PTPRO: variants seen among roughly 807,000 people sequenced by gnomAD.
The protein encoded by PTPRO is protein tyrosine phosphatase receptor type O.
Under a neutral mutation model 145.2 loss-of-function variants are expected in PTPRO, and 62 were observed. That is an observed-to-expected ratio of 0.43 (90% CI 0.35 to 0.53). The LOEUF (loss-of-function observed/expected upper bound fraction) is 0.53. Ranked by LOEUF, PTPRO falls within the 20% of genes least tolerant of loss-of-function variation. PTPRO has a pLI of 0.01. For synonymous variants in PTPRO, 565 were observed against 514.7 expected (o/e 1.10, Z -1.32); for missense variants, 1,345 against 1,482.7 (o/e 0.91, Z 1.53).
intron 12 of PTPRO, among the ~76,000 whole-genome samples, chr12:15,531,999 G>A (rs7134618): frequency 0.69 from 105,465 of 151,832 alleles, 36,966 homozygotes; most frequent in Middle Eastern, 0.75. Flanking sequence ...AGTATTGTTG[G>A]CAGTGATGTA....
rs150213421 is a variant in PTPRO at position 15,451,967 on chromosome 12, C to T, written c.76-32007C>T. ...AAACAAGAACAAACCAAACTCAAACCTAGCAGAAGAAAGGAAATAACTAAG... is the reference window on the plus strand; with the variant it reads ...AAACAAGAACAAACCAAACTCAAACTTAGCAGAAGAAAGGAAATAACTAAG... On this transcript the variant is annotated intron_variant, in intron 1 of 26. Coordinates refer to ENST00000281171, the MANE Select transcript of PTPRO (RefSeq NM_030667.3). Among the ~76,000 whole-genome samples, 942 of 152,030 alleles carry T rather than the reference C, an allele frequency of 6.2e-3. 12 individuals carry two copies. Among genetic ancestry groups the T allele is most frequent in the African/African-American group, 0.021 (872 of 41,480 alleles).
intron 1 of PTPRO, among the ~76,000 whole-genome samples, chr12:15,424,607 G>A (rs1940233066): frequency 6.6e-6 from 1 of 152,022 alleles, no homozygotes. Flanking sequence ...CACAGCTGAT[G>A]TATACACAAA....
At chr12:15,523,292 A>T (rs1251995486) in intron 10 of PTPRO, among the ~76,000 whole-genome samples, 1 of 152,260 alleles carries the variant, frequency 6.6e-6, no homozygotes, top group Non-Finnish European at 1.5e-5. Context: ...GCTGTATCTC[A>T]GAATGGAACA....
chr12:15,499,559 G>A lies in PTPRO; in HGVS notation c.626G>A (p.Ser209Asn), dbSNP rs1295378844. ...AATAAAAGTACCCTTGTTGAGTACA[G>A]TGGTGTCAGTCACGAACCCAAACAG... ...TFNKSTLVEY[S>N]GVSHEPKQHR... The change falls in exon 4 of 27, where the codon AGT becomes AAT. Residue 209 changes from serine to asparagine, a missense_variant. Physicochemically the swap from Ser to Asn is conservative, Grantham distance 46. Transcript: ENST00000281171. 3 of 1,613,874 alleles carry A rather than the reference G, an allele frequency of 1.9e-6. No individual in the cohort carries two copies. Among genetic ancestry groups the A allele is most frequent in the Non-Finnish European group, 2.5e-6 (3 of 1,179,814 alleles).
intron 7 of PTPRO, among the ~76,000 whole-genome samples, chr12:15,513,824 G>A (rs1942517658): frequency 6.6e-6 from 1 of 151,928 alleles, no homozygotes; most frequent in Non-Finnish European, 1.5e-5. Context: ...AACTCTATGA[G>A]GTATATAATT....
rs570555279 is a variant in PTPRO, at chr12:15,353,611, G to A, written c.75+30810G>A. 4.0e-4 allele frequency among the ~76,000 whole-genome samples: 61 copies of A among 152,306 alleles called. No individual in the cohort carries two copies. In the East Asian group the frequency reaches 0.011, roughly 27 times the overall value. On this transcript the variant is annotated intron_variant, in intron 1 of 26. Coordinates refer to ENST00000281171, the MANE Select transcript of PTPRO (RefSeq NM_030667.3). ...GCAGAAGCATTGTTGTGGTGGAGAA[G>A]CATTGTCATGATGAAGCTTTCCTGG...
At chr12:15,368,458 T>C (rs751566367) in intron 1 of PTPRO, among the ~76,000 whole-genome samples, 5 of 152,210 alleles carry the variant, frequency 3.3e-5, no homozygotes, top group Admixed American at 6.5e-5. Context: ...CATAATTGAT[T>C]GATTGATTGA....
At chr12:15,396,369 T>C (rs900726383) in intron 1 of PTPRO, among the ~76,000 whole-genome samples, 1 of 152,160 alleles carries the variant, frequency 6.6e-6, no homozygotes, top group African/African-American at 2.4e-5. Context: ...AAAATAATTA[T>C]TAGGCATGTA....
intron 12 of PTPRO, among the ~76,000 whole-genome samples, chr12:15,532,047 A>G (rs564384538): frequency 6.6e-6 from 1 of 152,296 alleles, no homozygotes; most frequent in East Asian, 1.9e-4. Context: ...AAAACAAAAA[A>G]TACGATCTTT....
At chr12:15,440,771 A>G (rs955033537) in intron 1 of PTPRO, among the ~76,000 whole-genome samples, 2 of 152,256 alleles carry the variant, frequency 1.3e-5, no homozygotes, top group African/African-American at 4.8e-5. Context: ...AACAGTAAAA[A>G]AAAGACAAAG....
intron 15 of PTPRO, among the ~76,000 whole-genome samples, chr12:15,553,029 AC>A (rs1409971915): frequency 2.0e-5 from 3 of 151,910 alleles, no homozygotes; most frequent in Non-Finnish European, 4.4e-5. Context: ...CGAACTCCTG[AC>A]CTTAAGTAAT....
At chr12:15,492,438 A>G (rs959606856) in intron 2 of PTPRO, among the ~76,000 whole-genome samples, 3 of 152,106 alleles carry the variant, frequency 2.0e-5, no homozygotes, top group South Asian at 2.1e-4. Flanking sequence ...GAAATAGTGC[A>G]GTGCTGTGCC....
At chr12:15,513,262 G>C (rs1446707017) in intron 7 of PTPRO, among the ~76,000 whole-genome samples, 1 of 112,614 alleles carries the variant, frequency 8.9e-6, no homozygotes, top group Non-Finnish European at 2.0e-5. Flanking sequence ...GAGAGGGAGG[G>C]GGAAGGAAGG....
intron 2 of PTPRO, among the ~76,000 whole-genome samples, chr12:15,488,378 T>C (rs1261968033): frequency 6.6e-6 from 1 of 152,138 alleles, no homozygotes; most frequent in Non-Finnish European, 1.5e-5. Context: ...TGGCATTTGG[T>C]GACATTTGGG....
intron 1 of PTPRO, among the ~76,000 whole-genome samples, chr12:15,389,104 A>ATTTTT (rs148751888): frequency 2.9e-5 from 4 of 137,744 alleles, no homozygotes; most frequent in African/African-American, 1.1e-4. Flanking sequence ...TAAATAAAGA[A>ATTTTT]TTTTTTTTTT....
chr12:15,551,809 G>A (rs376576351), intron 15 of PTPRO, 138 bp downstream of exon 15: 24 of 910,406 alleles, frequency 2.6e-5, no homozygotes, highest in East Asian at 1.9e-4. Context: ...TATTGTGTGT[G>A]TTTTCTAAAT....
At chr12:15,415,622 T>C (rs1204773800) in intron 1 of PTPRO, among the ~76,000 whole-genome samples, 1 of 151,694 alleles carries the variant, frequency 6.6e-6, no homozygotes. Context: ...CCCGACCTTG[T>C]GATCCGCCCA....
Position 15,546,636 on chromosome 12 carries a change from G to A in PTPRO, c.2232G>A (p.Val744=), listed in dbSNP as rs1420185723. The A allele has an allele frequency of 6.2e-7, 1 of 1,613,788 alleles. No individual in the cohort carries two copies. The change falls in exon 13 of 27, where the codon GTG becomes GTA. Residue 744 remains valine, a synonymous_variant. Coordinates refer to ENST00000281171, the MANE Select transcript of PTPRO (RefSeq NM_030667.3). ...KTQTSVTLLW[V]EEGVADFFEV... The stretch of plus-strand genomic sequence containing the variant: ...AGACTTCAGTGACTTTGCTGTGGGT[G>A]GAAGAGGGAGTAGCTGATTTCTTTG...
chr12:15,537,160 T>C (rs1159571940), intron 12 of PTPRO, among the ~76,000 whole-genome samples: 1 of 152,186 alleles, frequency 6.6e-6, no homozygotes, highest in Non-Finnish European at 1.5e-5. Flanking sequence ...GTCAACATTT[T>C]GAAGGTTCCT....
Sources: gnomAD v4.1 joint callset for allele counts (sites outside exome capture counted in the v4.1 genomes callset) on GRCh38, gnomAD v4.1.1 for gene constraint, MANE v1.5 for transcripts, NCBI Gene and HGNC (gene_info 2026-07-23, HGNC 2026-07-21) for gene names.